Variants in ZNF680 observed in about 807,000 individuals in gnomAD.
ZNF680 encodes the protein zinc finger protein 680.
ZNF680 carries 6 observed loss-of-function variants against 12.1 expected under a neutral mutation model. The ratio of observed to expected loss-of-function variants is 0.49; its 90% CI spans 0.27 to 0.98. The LOEUF (loss-of-function observed/expected upper bound fraction) is 0.98, where lower values mean the gene tolerates loss of function less well. Ranked by LOEUF, ZNF680 falls within the 50% of genes least tolerant of loss-of-function variation. The pLI is 0.12. For synonymous variants in ZNF680, 170 were observed against 199.3 expected, an observed-to-expected ratio of 0.85 and a Z score of 1.24; for missense variants, 561 against 616.3, an observed-to-expected ratio of 0.91 and a Z score of 0.95.
chr7:64,500,788 T>C, the ZNF680 span: 1 of 343,780 alleles, frequency 2.9e-6, no homozygotes, highest in African/African-American at 2.2e-5. Context: ...CCCTCCTTCC[T>C]CCTGTTTTTG....
intron 3 of ZNF680, among the ~76,000 whole-genome samples, chr7:64,529,620 G>A (rs929227045): frequency 3.3e-5 from 5 of 151,920 alleles, no homozygotes; most frequent in African/African-American, 9.7e-5. Context: ...AAGAAAATAT[G>A]AACAAAGCCT....
chr7:64,511,749 A>C, the ZNF680 span, among the ~76,000 whole-genome samples: 5 of 10,938 alleles, frequency 4.6e-4, no homozygotes, highest in East Asian at 6.8e-3. Flanking sequence ...TTAATTAATA[A>C]AAAAAAAAAT....
intron 3 of ZNF680, among the ~76,000 whole-genome samples, chr7:64,537,896 C>T (rs142394744): frequency 3.2e-4 from 49 of 152,028 alleles, no homozygotes; most frequent in African/African-American, 1.1e-3. Context: ...CACCACTGCA[C>T]TCCAGACTGG....
At chr7:64,500,723 G>C in the ZNF680 span, 5 of 262,370 alleles carry the variant, frequency 1.9e-5, no homozygotes, top group African/African-American at 1.1e-4. Context: ...TCGAGCAGCA[G>C]TTGGCTTCTC....
chr7:64,540,166 T>C (rs1359240996), intron 3 of ZNF680, among the ~76,000 whole-genome samples: 1 of 152,158 alleles, frequency 6.6e-6, no homozygotes, highest in Admixed American at 6.6e-5. Flanking sequence ...CTCATTTAGA[T>C]ATGATCGGAC....
Position 64,561,611 on chromosome 7 carries a change from A to G in ZNF680, c.30+1314T>C, listed in dbSNP as rs545725627. On this transcript the variant is annotated intron_variant, in intron 1 of 3. Transcript: ENST00000309683. ...AAAAGTACCATCCAATGATTTCTCAAAAAATGATTAATTAAAATATAGTAT... is the reference window on the plus strand; with the variant it reads ...AAAAGTACCATCCAATGATTTCTCAGAAAATGATTAATTAAAATATAGTAT... 6.6e-5 allele frequency among the ~76,000 whole-genome samples: 10 copies of G among 152,324 alleles called. No individual in the cohort carries two copies. The East Asian group carries it at 1.7e-3, about 27-fold the overall frequency.
chr7:64,548,825 T>C (rs1214954029), intron 1 of ZNF680, among the ~76,000 whole-genome samples: 1 of 151,922 alleles, frequency 6.6e-6, no homozygotes, highest in Admixed American at 6.6e-5. Flanking sequence ...GGTGATCCTA[T>C]ATAAAAAATG....
chr7:64,550,133 A>T (rs1295168895), intron 1 of ZNF680, among the ~76,000 whole-genome samples: 1 of 152,252 alleles, frequency 6.6e-6, no homozygotes, highest in African/African-American at 2.4e-5. Context: ...GGATTTGTAA[A>T]GGCAAAAATA....
chr7:64,562,975 T>A lies in ZNF680; in HGVS notation c.-21A>T, dbSNP rs1787829252. On this transcript the variant is annotated 5_prime_UTR_variant, in exon 1 of 4. Transcript: ENST00000309683. ...GGCATCTTAGCTGTGCATCTCCCAA[T>A]ACCTGCAGATAACGGAGTCACAGAG... 13 of 1,612,662 alleles carry A rather than the reference T, an allele frequency of 8.1e-6. No homozygotes were observed. The highest frequency in any genetic ancestry group is 1.1e-5 in the Non-Finnish European group (13 of 1,179,104).
chr7:64,562,986 A>T lies in ZNF680; in HGVS notation c.-32T>A. On this transcript the variant is annotated 5_prime_UTR_variant, in exon 1 of 4. Coordinates refer to ENST00000309683, the MANE Select transcript of ZNF680 (RefSeq NM_178558.5). The stretch of plus-strand genomic sequence containing the variant: ...TGTGCATCTCCCAATACCTGCAGAT[A>T]ACGGAGTCACAGAGGCTGGGCCTCT... The T allele has an allele frequency of 6.2e-7, 1 of 1,612,836 alleles. No homozygotes were observed. Among genetic ancestry groups the T allele is most frequent in the East Asian group, 2.2e-5 (1 of 44,804 alleles).
Position 64,522,371 on chromosome 7 carries a change from C to T in ZNF680, c.383G>A (p.Ser128Asn). 6.2e-7 allele frequency: 1 copy of T among 1,612,418 alleles called. No individual in the cohort carries two copies. The highest frequency in any genetic ancestry group is 2.2e-5 in the East Asian group (1 of 44,750). Residue 128 changes from serine (S) to asparagine (N), a missense_variant, in exon 4 of 4, where the codon AGT becomes AAT. Transcript: ENST00000309683. The stretch of plus-strand genomic sequence containing the variant: ...TTTGAACACCTTAGACTCATCCACA[C>T]TTTTACAACTTATTCTTAATTGTAA... ...ENLQLRISCK[S>N]VDESKVFKEG...
chr7:64,563,001 G>A lies in ZNF680; in HGVS notation c.-47C>T, dbSNP rs376785617. 1.9e-6 allele frequency: 3 copies of A among 1,609,224 alleles called. No individual in the cohort carries two copies. The highest frequency in any genetic ancestry group is 1.7e-6 in the Non-Finnish European group (2 of 1,176,046). On this transcript the variant is annotated 5_prime_UTR_variant, in exon 1 of 4. Transcript: ENST00000309683. ...ACCTGCAGATAACGGAGTCACAGAGGCTGGGCCTCTAGGAGCAGAATACAC... is the reference window on the plus strand; with the variant it reads ...ACCTGCAGATAACGGAGTCACAGAGACTGGGCCTCTAGGAGCAGAATACAC...
chr7:64,515,690 C>T (rs1791339160), downstream of ZNF680, among the ~76,000 whole-genome samples: 1 of 152,172 alleles, frequency 6.6e-6, no homozygotes, highest in Non-Finnish European at 1.5e-5. Flanking sequence ...AAAACTTGCA[C>T]AAACCTCTAG....
rs527399166 is a variant in ZNF680, at chr7:64,535,481, C to T, written c.253+8226G>A. On this transcript the variant is annotated intron_variant, in intron 3 of 3. Coordinates refer to ENST00000309683, the MANE Select transcript of ZNF680 (RefSeq NM_178558.5). ...GAGAAAGAGAAAAAGAAATAAGACG[C>T]CTGAATGGCTTCAGTAAAAAAGCAT... Among the ~76,000 whole-genome samples, 3 of 151,718 alleles carry T rather than the reference C, an allele frequency of 2.0e-5. No homozygotes were observed. In the East Asian group the frequency reaches 5.8e-4, roughly 29 times the overall value.
chr7:64,546,559 T>C (rs952401217), intron 1 of ZNF680, among the ~76,000 whole-genome samples: 3 of 152,084 alleles, frequency 2.0e-5, no homozygotes, highest in Admixed American at 6.6e-5. Context: ...CTGGGCAACA[T>C]GGTGAAACCC....
chr7:64,556,043 G>C (rs1011434201), intron 1 of ZNF680, among the ~76,000 whole-genome samples: 1 of 151,440 alleles, frequency 6.6e-6, no homozygotes, highest in African/African-American at 2.4e-5. Context: ...ATAATAAAAT[G>C]TCTAGGAATA....
chr7:64,552,448 T>C (rs151075985), intron 1 of ZNF680, among the ~76,000 whole-genome samples: 59 of 152,364 alleles, frequency 3.9e-4, no homozygotes, highest in African/African-American at 1.3e-3. Flanking sequence ...AGAGCTATTA[T>C]AGTTTTCTGG....
At chr7:64,556,142 C>G (rs1387252477) in intron 1 of ZNF680, among the ~76,000 whole-genome samples, 1 of 151,412 alleles carries the variant, frequency 6.6e-6, no homozygotes, top group Non-Finnish European at 1.5e-5. Flanking sequence ...CAATGGGCAG[C>G]CATTTTATGC....
At chr7:64,512,060 CAAA>C in the ZNF680 span, among the ~76,000 whole-genome samples, 1 of 112,544 alleles carries the variant, frequency 8.9e-6, no homozygotes. Context: ...ACTTGGTCTC[CAAA>C]AAAAAAAAAG....
Sources: allele counts gnomAD v4.1 joint callset (sites outside exome capture counted in the v4.1 genomes callset), GRCh38; gene constraint gnomAD v4.1.1; transcripts MANE v1.5; gene names NCBI Gene and HGNC (gene_info 2026-07-23, HGNC 2026-07-21).